Variants in IQSEC1 observed in about 807,000 individuals in gnomAD.
The protein encoded by IQSEC1 is IQ motif and SEC7 domain-containing protein 1.
Under a neutral mutation model 91.0 loss-of-function variants are expected in IQSEC1, and 31 were observed. The observed-to-expected ratio is 0.34, with a 90% CI of 0.26 to 0.46. The LOEUF is 0.46. IQSEC1 is among the 20% of genes least tolerant of loss of function. The pLI, the probability that IQSEC1 is intolerant of heterozygous loss-of-function variation, is 1.00. For missense variants in IQSEC1, 1,388 were observed against 1,575.6 expected, an observed-to-expected ratio of 0.88 and a Z score of 2.02; for synonymous variants, 699 against 662.6, an observed-to-expected ratio of 1.05 and a Z score of -0.84.
chr3:13,012,618 G>A (rs1576163516), intron 1 of IQSEC1, among the ~76,000 whole-genome samples: 1 of 152,240 alleles, frequency 6.6e-6, no homozygotes, highest in East Asian at 1.9e-4. Flanking sequence ...AATGTTTTCT[G>A]AGCACTTGCT....
intron 1 of IQSEC1, among the ~76,000 whole-genome samples, chr3:13,278,475 G>C (rs566896124): frequency 1.9e-4 from 29 of 152,298 alleles, no homozygotes; most frequent in Non-Finnish European, 4.0e-4. Flanking sequence ...GGGATCCTGG[G>C]AGATGGTCTG....
chr3:13,134,575 C>T (rs1387033123), intron 2 of IQSEC1, among the ~76,000 whole-genome samples: 9 of 152,230 alleles, frequency 5.9e-5, no homozygotes, highest in Admixed American at 5.9e-4. Flanking sequence ...GATCTATGGC[C>T]TTTGGCGTAA....
At chr3:13,126,985 G>A (rs1706524885) in intron 2 of IQSEC1, among the ~76,000 whole-genome samples, 1 of 152,116 alleles carries the variant, frequency 6.6e-6, no homozygotes, top group Non-Finnish European at 1.5e-5. Context: ...TTTATATAAG[G>A]TATGAGGTTC....
intron 1 of IQSEC1, among the ~76,000 whole-genome samples, chr3:13,215,549 G>A (rs1230196519): frequency 6.6e-6 from 1 of 152,218 alleles, no homozygotes; most frequent in African/African-American, 2.4e-5. Flanking sequence ...CTGCACATTT[G>A]AGAGGCTTGA....
At chr3:13,199,528 C>T (rs1461354232) in intron 1 of IQSEC1, among the ~76,000 whole-genome samples, 1 of 152,188 alleles carries the variant, frequency 6.6e-6, no homozygotes. Flanking sequence ...GCACCGGTGT[C>T]CCTGCCTGCC....
At chr3:13,021,995 G>C (rs960510487) in intron 1 of IQSEC1, 1 of 1,209,700 alleles carries the variant, frequency 8.3e-7, no homozygotes, top group Non-Finnish European at 1.0e-6. Context: ...CCCAACAGTC[G>C]ACAGCCAGGC....
intron 1 of IQSEC1, among the ~76,000 whole-genome samples, chr3:12,976,479 G>T (rs375488971): frequency 2.6e-5 from 4 of 152,326 alleles, no homozygotes; most frequent in Admixed American, 1.3e-4. Flanking sequence ...GACCAGAGCA[G>T]AATTGGGTTC....
At position 13,165,578 on chromosome 3, in the gene IQSEC1, G is replaced by GTGTGTGTGTGTGTCTGTC. The variant is rs1377649445; in HGVS notation, c.273-1446_273-1445insGACAGACACACACACACA. 6.7e-3 allele frequency among the ~76,000 whole-genome samples: 711 copies of GTGTGTGTGTGTGTCTGTC among 105,538 alleles called. 17 individuals are homozygous for GTGTGTGTGTGTGTCTGTC. Among genetic ancestry groups the GTGTGTGTGTGTGTCTGTC allele is most frequent in the East Asian group, 0.015 (45 of 3,052 alleles). The allele number at this position is 105,538 out of a possible 152,430, so 69.2% of individuals were successfully genotyped here. ...TGTGTGTGTGTGTGTGTGTGTGTGT[G>GTGTGTGTGTGTGTCTGTC]TGTCTGTCTGTCTTCACTTCATCGC... On this transcript the variant is annotated intron_variant, in intron 1 of 15. Coordinates refer to the IQSEC1 transcript ENST00000648114.
chr3:13,176,914 A>C (rs357136), intron 1 of IQSEC1, among the ~76,000 whole-genome samples: 1 of 152,198 alleles, frequency 6.6e-6, no homozygotes, highest in African/African-American at 2.4e-5. Flanking sequence ...GTACTGATAC[A>C]TACAAACATC....
At chr3:12,957,922 G>C (rs1326605843) in intron 1 of IQSEC1, among the ~76,000 whole-genome samples, 1 of 152,242 alleles carries the variant, frequency 6.6e-6, no homozygotes, top group East Asian at 1.9e-4. Context: ...ACTTGGTGTT[G>C]TAAACAGCAA....
At chr3:13,070,914 C>T (rs917646689) in intron 1 of IQSEC1, among the ~76,000 whole-genome samples, 10 of 152,246 alleles carry the variant, frequency 6.6e-5, no homozygotes, top group Non-Finnish European at 1.3e-4. Flanking sequence ...GGGCCCCCAA[C>T]AGATTGAAGC....
chr3:13,149,760 G>A lies in IQSEC1; in HGVS notation c.302+14344C>T, dbSNP rs575798661. 7.9e-5 allele frequency among the ~76,000 whole-genome samples: 12 copies of A among 152,162 alleles called. No individual in the cohort carries two copies. The East Asian group carries it at 1.9e-3, about 25-fold the overall frequency. ...CTGTCCGCTGCCCCAAGGCCCAGCC[G>A]CAAAGCTGGCTCCTCCGCCTTCTGC... On this transcript the variant is annotated intron_variant, in intron 2 of 15. Coordinates refer to the IQSEC1 transcript ENST00000648114.
Position 12,898,120 on chromosome 3 carries a change from G to T in IQSEC1, c.*2863C>A, listed in dbSNP as rs567454574. On this transcript the variant is annotated 3_prime_UTR_variant, in exon 14 of 14. Coordinates refer to ENST00000613206, the MANE Select transcript of IQSEC1 (RefSeq NM_001134382.3). The stretch of plus-strand genomic sequence containing the variant: ...AGAAGGGACCAGGCAGACATCCTGG[G>T]GCCCTCGGCCTCCTCCTGCCTCCCC... 1.3e-5 allele frequency: 2 copies of T among 152,368 alleles called. No individual in the cohort carries two copies. The highest frequency in any genetic ancestry group is 6.5e-5 in the Admixed American group (1 of 15,308). The allele number at this position is 152,368 out of a possible 1,614,324, so 9.4% of individuals were successfully genotyped here. A position where few individuals can be genotyped will look rare whatever the true frequency, so the allele number is the denominator to read the frequency against.
intron 1 of IQSEC1, among the ~76,000 whole-genome samples, chr3:13,014,059 G>A (rs1459918497): frequency 3.9e-5 from 6 of 152,138 alleles, no homozygotes; most frequent in African/African-American, 7.2e-5. Context: ...GAGCCCTGGC[G>A]CCCAACAAAG....
At chr3:13,130,935 G>A (rs114324660) in intron 2 of IQSEC1, among the ~76,000 whole-genome samples, 39 of 112,032 alleles carry the variant, frequency 3.5e-4, no homozygotes, top group African/African-American at 1.3e-3. Flanking sequence ...AAAAAAAAAA[G>A]AAAAATAAGC....
chr3:13,129,450 C>T (rs996001498), intron 2 of IQSEC1, among the ~76,000 whole-genome samples: 3 of 152,058 alleles, frequency 2.0e-5, no homozygotes, highest in Non-Finnish European at 2.9e-5. Flanking sequence ...CATTGATCGT[C>T]GGTATGGTTT....
intron 1 of IQSEC1, among the ~76,000 whole-genome samples, chr3:13,185,703 C>T (rs1194413348): frequency 6.6e-6 from 1 of 152,188 alleles, no homozygotes; most frequent in Non-Finnish European, 1.5e-5. Context: ...AGGGGGTTGT[C>T]TAAGGTCACA....
intron 2 of IQSEC1, among the ~76,000 whole-genome samples, chr3:13,136,180 C>T (rs1011314971): frequency 1.3e-5 from 2 of 152,196 alleles, no homozygotes; most frequent in Admixed American, 1.3e-4. Flanking sequence ...AACGTGAGGG[C>T]CTTGGGACTG....
chr3:13,028,749 ATCT>A (rs1703726873), intron 1 of IQSEC1, among the ~76,000 whole-genome samples: 1 of 152,196 alleles, frequency 6.6e-6, no homozygotes, highest in East Asian at 1.9e-4. Context: ...TTGTGCTCAG[ATCT>A]TCTATGCAAG....
Sources: gnomAD v4.1 joint callset for allele counts (sites outside exome capture counted in the v4.1 genomes callset) on GRCh38, gnomAD v4.1.1 for gene constraint, MANE v1.5 for transcripts, NCBI Gene and HGNC (gene_info 2026-07-23, HGNC 2026-07-21) for gene names.